The following POU6F2 variants were observed in gnomAD, a reference collection of about 807,000 sequenced individuals.
POU6F2 encodes POU class 6 homeobox 2.
POU6F2 carries 31 observed loss-of-function variants against 71.3 expected under a neutral mutation model. The observed-to-expected ratio is 0.43, with a 90% CI of 0.33 to 0.59. The LOEUF (loss-of-function observed/expected upper bound fraction) is 0.59, where lower values mean the gene tolerates loss of function less well. Ranked by LOEUF, POU6F2 falls within the 20% of genes least tolerant of loss-of-function variation. The pLI is 0.04. For synonymous variants in POU6F2, 347 were observed against 355.7 expected (o/e 0.98, Z 0.27); for missense variants, 783 against 856.8 (o/e 0.91, Z 1.07).
At chr7:39,379,180 G>A (rs1412921411) in intron 5 of POU6F2, among the ~76,000 whole-genome samples, 2 of 152,172 alleles carry the variant, frequency 1.3e-5, no homozygotes, top group Non-Finnish European at 2.9e-5. Flanking sequence ...TGAGTTTTAG[G>A]TGCTGCGCAT....
At chr7:39,364,842 C>A (rs1335885278) in intron 5 of POU6F2, among the ~76,000 whole-genome samples, 1 of 152,206 alleles carries the variant, frequency 6.6e-6, no homozygotes, top group Non-Finnish European at 1.5e-5. Flanking sequence ...GGAATCTCTA[C>A]ACTGTTTTCC....
chr7:39,133,729 T>C (rs1424978550), intron 2 of POU6F2, among the ~76,000 whole-genome samples: 2 of 152,218 alleles, frequency 1.3e-5, no homozygotes, highest in African/African-American at 4.8e-5. Flanking sequence ...GCCTATGGCT[T>C]GGTAGACTGT....
chr7:38,987,658 T>C (rs965825114), intron 1 of POU6F2, among the ~76,000 whole-genome samples: 5 of 152,110 alleles, frequency 3.3e-5, no homozygotes, highest in Non-Finnish European at 7.4e-5. Context: ...TAATTTAGGG[T>C]TCTGAGAAGG....
intron 5 of POU6F2, among the ~76,000 whole-genome samples, chr7:39,400,197 TG>T (rs1334150852): frequency 3.9e-5 from 6 of 152,200 alleles, no homozygotes; most frequent in African/African-American, 1.4e-4. Flanking sequence ...AGCATAAAGT[TG>T]GGTGTGGTTG....
intron 4 of POU6F2, among the ~76,000 whole-genome samples, chr7:39,222,593 C>A (rs374610207): frequency 2.0e-5 from 3 of 152,174 alleles, no homozygotes; most frequent in Admixed American, 6.5e-5. Flanking sequence ...CTGGCAACCA[C>A]CATTCTACTT....
At chr7:39,034,578 T>C (rs970702324) in intron 1 of POU6F2, 3 of 317,618 alleles carry the variant, frequency 9.4e-6, no homozygotes, top group Non-Finnish European at 1.4e-5. Context: ...CTGCAGAAGG[T>C]CACTAGGGGA....
At chr7:39,299,146 A>G (rs1238272392) in intron 4 of POU6F2, among the ~76,000 whole-genome samples, 2 of 152,248 alleles carry the variant, frequency 1.3e-5, no homozygotes, top group Non-Finnish European at 2.9e-5. Context: ...CACGTTCTGC[A>G]CATGTATCCT....
At chr7:39,400,823 G>C (rs1196580747) in intron 5 of POU6F2, among the ~76,000 whole-genome samples, 1 of 152,112 alleles carries the variant, frequency 6.6e-6, no homozygotes, top group Non-Finnish European at 1.5e-5. Context: ...CAAAATCATG[G>C]GATTTTACAT....
chr7:39,337,205 G>C (rs187588979), intron 4 of POU6F2, among the ~76,000 whole-genome samples: 2 of 152,114 alleles, frequency 1.3e-5, no homozygotes, highest in African/African-American at 4.8e-5. Context: ...TTCAAGACAC[G>C]GCTTTACCGT....
chr7:39,020,471 TTTC>T (rs1341220194), intron 1 of POU6F2, among the ~76,000 whole-genome samples: 3 of 152,152 alleles, frequency 2.0e-5, no homozygotes, highest in African/African-American at 7.2e-5. Flanking sequence ...CTAAATGGTA[TTTC>T]TTCTTTGGGG....
intron 2 of POU6F2, among the ~76,000 whole-genome samples, chr7:39,089,799 C>A (rs1446782296): frequency 2.0e-5 from 3 of 152,172 alleles, no homozygotes; most frequent in African/African-American, 7.2e-5. Flanking sequence ...ATAAAACATG[C>A]CCTAAATATT....
At chr7:39,300,918 A>G (rs1194485838) in intron 4 of POU6F2, among the ~76,000 whole-genome samples, 4 of 152,168 alleles carry the variant, frequency 2.6e-5, no homozygotes, top group Admixed American at 2.6e-4. Context: ...GCCTCTAACA[A>G]CTTTACCGGG....
intron 2 of POU6F2, among the ~76,000 whole-genome samples, chr7:39,172,758 C>A (rs1793247570): frequency 6.6e-6 from 1 of 151,864 alleles, no homozygotes; most frequent in Admixed American, 6.6e-5. Context: ...GTAGCTGGGA[C>A]TACAGGCACC....
intron 2 of POU6F2, among the ~76,000 whole-genome samples, chr7:39,183,991 G>A (rs1793485503): frequency 6.6e-6 from 1 of 152,000 alleles, no homozygotes; most frequent in African/African-American, 2.4e-5. Flanking sequence ...CCTGATTAAG[G>A]TCCGTAAGTC....
intron 4 of POU6F2, among the ~76,000 whole-genome samples, chr7:39,330,989 T>C (rs1583530085): frequency 6.6e-6 from 1 of 152,340 alleles, no homozygotes; most frequent in Non-Finnish European, 1.5e-5. Context: ...CTTCTATGGC[T>C]TTTCTTTTTT....
intron 6 of POU6F2, 107 bp downstream of exon 6, chr7:39,406,847 C>T (rs1251726911): frequency 2.1e-6 from 3 of 1,417,310 alleles, no homozygotes; most frequent in African/African-American, 1.4e-5. Context: ...CTATTCGAGG[C>T]AAATAAATAA....
chr7:39,380,616 T>G (rs1786809169), intron 5 of POU6F2, among the ~76,000 whole-genome samples: 1 of 152,200 alleles, frequency 6.6e-6, no homozygotes, highest in Admixed American at 6.5e-5. Flanking sequence ...GCAAAAAAAG[T>G]CACCTCATTA....
chr7:39,406,503 T>C (rs967384474), intron 5 of POU6F2, 97 bp from the exon 6 acceptor site: 61 of 1,430,588 alleles, frequency 4.3e-5, no homozygotes, highest in Non-Finnish European at 5.6e-5. Context: ...CATGAGCGAA[T>C]TGAGGCGAGA....
At chr7:39,179,312 T>C (rs925760458) in intron 2 of POU6F2, among the ~76,000 whole-genome samples, 3 of 152,192 alleles carry the variant, frequency 2.0e-5, no homozygotes, top group Admixed American at 6.5e-5. Flanking sequence ...CTGCGACTTT[T>C]AGTGGCTTAG....
Sources: gnomAD v4.1 joint callset for allele counts (sites outside exome capture counted in the v4.1 genomes callset) on GRCh38, gnomAD v4.1.1 for gene constraint, MANE v1.5 for transcripts, NCBI Gene and HGNC (gene_info 2026-07-23, HGNC 2026-07-21) for gene names.